The following SYNE1 variants were observed in gnomAD, a reference collection of about 807,000 sequenced individuals.
SYNE1 encodes spectrin repeat containing nuclear envelope protein 1.
SYNE1 carries 616 observed loss-of-function variants against 1,111.0 expected under a neutral mutation model. The observed-to-expected ratio is 0.55, with a 90% CI of 0.52 to 0.59. The LOEUF (loss-of-function observed/expected upper bound fraction) is 0.59. SYNE1 is among the 20% of genes least tolerant of loss of function. SYNE1 has a pLI of 0.00. For missense variants in SYNE1, 10,006 were observed against 10,417.0 expected, an observed-to-expected ratio of 0.96 and a Z score of 1.72; for synonymous variants, 3,855 against 3,825.8, an observed-to-expected ratio of 1.01 and a Z score of -0.28.
chr6:152,127,048 A>G (rs2053706615), intron 145 of SYNE1: 1 of 152,128 alleles, frequency 6.6e-6, no homozygotes, highest in African/African-American at 2.4e-5. Flanking sequence ...TGTTTCCTGG[A>G]TATATGGTTC....
intron 100 of SYNE1, among the ~76,000 whole-genome samples, chr6:152,264,168 C>T (rs548390207): frequency 1.5e-5 from 2 of 137,926 alleles, no homozygotes; most frequent in Non-Finnish European, 3.1e-5. Context: ...GAGATTGCAC[C>T]ACTGTACTCT....
rs758998584 is a variant in SYNE1 at position 152,239,524 on chromosome 6, T to C, written c.20067+9A>G. ...TGCAGCACAGAAGATATGACATCAA[T>C]GGTCTCACCTCTAGAATGTACTCCA... is the stretch of plus-strand genomic sequence containing the variant. On this transcript the variant is annotated intron_variant, in intron 108 of 145. Transcript: ENST00000367255. 1.2e-6 allele frequency: 2 copies of C among 1,614,170 alleles called. No individual in the cohort carries two copies. The highest frequency in any genetic ancestry group is 1.1e-5 in the South Asian group (1 of 91,082).
chr6:152,581,586 G>A (rs1365060777), intron 3 of SYNE1, among the ~76,000 whole-genome samples: 2 of 152,108 alleles, frequency 1.3e-5, no homozygotes, highest in Non-Finnish European at 2.9e-5. Context: ...CTACACCAAC[G>A]TCTCATCCGT....
rs958947927 is a variant in SYNE1 at position 152,122,020 on chromosome 6, G to A, written c.*416C>T. 3.9e-6 allele frequency: 1 copy of A among 254,456 alleles called. No homozygotes were observed. Among genetic ancestry groups the A allele is most frequent in the Non-Finnish European group, 7.7e-6 (1 of 129,516 alleles). 15.8% of individuals were successfully genotyped at this position (254,456 alleles called of 1,614,324 possible). A position where few individuals can be genotyped will look rare whatever the true frequency, so the allele number is the denominator to read the frequency against. On this transcript the variant is annotated 3_prime_UTR_variant, in exon 146 of 146. Transcript: ENST00000367255. ...TTCAGCACTGGTTGGTTGGTAGATT[G>A]TACGACACTGACATGGTGCTTGGGA...
chr6:152,145,297 C>T (rs2059276305), intron 137 of SYNE1: 4 of 651,796 alleles, frequency 6.1e-6, no homozygotes, highest in East Asian at 5.5e-5. Flanking sequence ...CTTTATTTCG[C>T]TCAATTAGTG....
chr6:152,506,156 G>A (rs1034146863), intron 8 of SYNE1, among the ~76,000 whole-genome samples: 2 of 152,166 alleles, frequency 1.3e-5, no homozygotes, highest in African/African-American at 4.8e-5. Context: ...AATCAAGTTG[G>A]TAGCCATATT....
intron 6 of SYNE1, among the ~76,000 whole-genome samples, chr6:152,519,662 G>T (rs190936983): frequency 6.6e-6 from 1 of 152,212 alleles, no homozygotes; most frequent in African/African-American, 2.4e-5. Context: ...AAGTAGCACA[G>T]AAATAATTAT....
At chr6:152,197,788 T>C (rs2074480655) in intron 127 of SYNE1, among the ~76,000 whole-genome samples, 1 of 152,210 alleles carries the variant, frequency 6.6e-6, no homozygotes, top group South Asian at 2.1e-4. Flanking sequence ...AGCATAATTC[T>C]TAAAGGCCTT....
chr6:152,453,454 G>GT, intron 25 of SYNE1, 132 bp downstream of exon 25: 1 of 1,378,128 alleles, frequency 7.3e-7, no homozygotes, highest in Non-Finnish European at 1.0e-6. Flanking sequence ...AGTTTTTTGA[G>GT]TTTTTAAATG....
intron 104 of SYNE1, among the ~76,000 whole-genome samples, chr6:152,253,831 T>TTTTTTTTG (rs2090101494): frequency 1.6e-5 from 1 of 61,346 alleles, no homozygotes; most frequent in East Asian, 6.7e-4. Flanking sequence ...TTTTTTTTTT[T>TTTTTTTTG]TTTTTTTTTT....
chr6:152,334,117 A>C lies in SYNE1; in HGVS notation c.12685T>G (p.Cys4229Gly). Reference sequence around the variant, plus strand: ...TGAAGATCCTCTTCCCTTTGCAAGCACAGGTTGTTAGACTGACGGCACAAA... The same window carrying C: ...TGAAGATCCTCTTCCCTTTGCAAGCCCAGGTTGTTAGACTGACGGCACAAA... Reference protein sequence around the residue: ...LDLCRQSNNLCLQREEDLQRT... With the variant: ...LDLCRQSNNLGLQREEDLQRT... The change falls in exon 77 of 146, where the codon TGC (cysteine) becomes GGC (glycine). Residue 4229 changes from cysteine to glycine, a missense_variant. Physicochemically the swap from Cys to Gly is radical, Grantham distance 159. Around this residue, in one of 7 missense-constraint regions of SYNE1, gnomAD observed 4,955 missense variants for 5,017.2 expected, o/e 0.99. Transcript: ENST00000367255. 6.2e-7 allele frequency: 1 copy of C among 1,614,166 alleles called. No homozygotes were observed. Among genetic ancestry groups the C allele is most frequent in the Non-Finnish European group, 8.5e-7 (1 of 1,180,036 alleles).
chr6:152,190,222 C>G (rs143649549), intron 127 of SYNE1, among the ~76,000 whole-genome samples: 13 of 152,250 alleles, frequency 8.5e-5, no homozygotes, highest in Non-Finnish European at 1.6e-4. Context: ...CTTATCCATT[C>G]AAGTTTTAAC....
In SYNE1 at chr6:152,511,041, T is replaced by C. The variant is rs2099082391; in HGVS notation, c.372A>G (p.Gly124=). 1.2e-6 allele frequency: 2 copies of C among 1,613,890 alleles called. No homozygotes were observed. Among genetic ancestry groups the C allele is most frequent in the Admixed American group, 1.7e-5 (1 of 59,992 alleles). The change falls in exon 7 of 146, where the codon GGA becomes GGG. Residue 124 remains glycine, a synonymous_variant. Coordinates refer to ENST00000367255, the MANE Select transcript of SYNE1 (RefSeq NM_182961.4). ...AATATAGAATAATGGTCCACATCAA[T>C]CCAAGAACTATTGAGGGTCGGCCAT... ...IADGRPSIVL[G]LMWTIILYFQ...
chr6:152,207,889 G>T, intron 125 of SYNE1, 83 bp downstream of exon 125: 1 of 1,319,346 alleles, frequency 7.6e-7, no homozygotes, highest in Non-Finnish European at 1.1e-6. Flanking sequence ...TCACTCTAGA[G>T]TCCTTTTGAA....
intron 144 of SYNE1, among the ~76,000 whole-genome samples, chr6:152,131,407 A>G (rs1310787037): frequency 2.0e-5 from 3 of 152,162 alleles, no homozygotes. Context: ...AAAAAGTCAA[A>G]TGAAATCAAA....
At chr6:152,628,846 T>A (rs959970321) in intron 2 of SYNE1, among the ~76,000 whole-genome samples, 1 of 152,210 alleles carries the variant, frequency 6.6e-6, no homozygotes, top group Non-Finnish European at 1.5e-5. Context: ...ACTTTTTCCA[T>A]TGATCTATGA....
chr6:152,168,276 C>T, intron 130 of SYNE1: 1 of 640,298 alleles, frequency 1.6e-6, no homozygotes, highest in Non-Finnish European at 2.8e-6. Flanking sequence ...GAAAGTTTCC[C>T]CTTGTCTGTG....
chr6:152,558,812 C>T (rs1191537985), intron 3 of SYNE1, among the ~76,000 whole-genome samples: 2 of 152,014 alleles, frequency 1.3e-5, no homozygotes, highest in Non-Finnish European at 2.9e-5. Context: ...GGAAACAATA[C>T]ATTTGAAGAA....
intron 45 of SYNE1, among the ~76,000 whole-genome samples, chr6:152,405,781 G>A (rs1232189041): frequency 1.3e-5 from 2 of 152,070 alleles, no homozygotes; most frequent in African/African-American, 4.8e-5. Context: ...TTTTAGTCTG[G>A]ATAATTTTTT....
Sources: allele counts gnomAD v4.1 joint callset (sites outside exome capture counted in the v4.1 genomes callset), GRCh38; gene constraint gnomAD v4.1.1; regional missense constraint gnomAD v4.1.1; transcripts MANE v1.5; gene names NCBI Gene and HGNC (gene_info 2026-07-23, HGNC 2026-07-21).